Variants in MSRA observed in about 807,000 individuals in gnomAD.
MSRA encodes mitochondrial peptide methionine sulfoxide reductase.
In MSRA, 54 loss-of-function variants were observed where a neutral mutation model predicts 31.3. That is an observed-to-expected ratio of 1.73 (90% CI 1.39 to 2.17). The LOEUF is 2.17. Ranked by LOEUF, MSRA falls within the 30% of genes most tolerant of loss-of-function variation. MSRA has a pLI of 0.00. For synonymous variants in MSRA, 169 were observed against 116.5 expected, an observed-to-expected ratio of 1.45 and a Z score of -2.90; for missense variants, 507 against 300.9, an observed-to-expected ratio of 1.69 and a Z score of -5.07.
rs1806521115 is a variant in MSRA at position 10,388,330 on chromosome 8, C to A, written c.544-39818C>A. On this transcript the variant is annotated intron_variant, in intron 5 of 5. Coordinates refer to ENST00000317173, the MANE Select transcript of MSRA (RefSeq NM_012331.5). ...ATAAGGGTCTTGTGATTTAAGGTCA[C>A]CCCCGTCTTCCTGGTACAGAGAGGG... 2.0e-5 allele frequency among the ~76,000 whole-genome samples: 3 copies of A among 152,250 alleles called. No homozygotes were observed. The South Asian group carries it at 6.2e-4, about 32-fold the overall frequency.
At chr8:10,302,894 C>A (rs138532504) in intron 4 of MSRA, among the ~76,000 whole-genome samples, 1 of 152,108 alleles carries the variant, frequency 6.6e-6, no homozygotes, top group African/African-American at 2.4e-5. Context: ...AGAAGGTTCA[C>A]GTGTCACCCT....
At chr8:10,108,831 C>T (rs775006626) in intron 1 of MSRA, among the ~76,000 whole-genome samples, 3 of 151,828 alleles carry the variant, frequency 2.0e-5, no homozygotes, top group Non-Finnish European at 4.4e-5. Context: ...TTCTCTGTCT[C>T]TCCACTCCTT....
intron 5 of MSRA, 133 bp from the exon 6 acceptor site, chr8:10,428,015 C>T (rs528938942): frequency 5.4e-5 from 48 of 882,878 alleles, no homozygotes; most frequent in Non-Finnish European, 6.7e-5. Context: ...GCGGAGAGCC[C>T]GGCCTAAAGG....
chr8:10,103,568 A>G (rs1036483051), intron 1 of MSRA, among the ~76,000 whole-genome samples: 5 of 152,220 alleles, frequency 3.3e-5, no homozygotes, highest in South Asian at 2.1e-4. Context: ...CCTGAAAGCA[A>G]TTTAGCTGAT....
rs765708170 is a variant in MSRA, at chr8:10,274,983, G to T, written c.332-26551G>T. On this transcript the variant is annotated intron_variant, in intron 3 of 5. Coordinates refer to ENST00000317173, the MANE Select transcript of MSRA (RefSeq NM_012331.5). ...AATTAAACTAATATTATTTGGAACA[G>T]TGTTTATTGGTTGGCTTCCAAGGAC... 2.6e-5 allele frequency among the ~76,000 whole-genome samples: 4 copies of T among 152,314 alleles called. No individual in the cohort carries two copies. The East Asian group carries it at 7.7e-4, about 29-fold the overall frequency.
At chr8:10,160,216 G>C (rs543557555) in intron 1 of MSRA, among the ~76,000 whole-genome samples, 1 of 152,032 alleles carries the variant, frequency 6.6e-6, no homozygotes, top group Non-Finnish European at 1.5e-5. Context: ...AGATAGGATG[G>C]GGCCAGGCAC....
chr8:10,082,730 G>C (rs748672205), intron 1 of MSRA, among the ~76,000 whole-genome samples: 1 of 152,154 alleles, frequency 6.6e-6, no homozygotes, highest in African/African-American at 2.4e-5. Context: ...CTCCATTCCG[G>C]TGTGCTGTGA....
intron 5 of MSRA, among the ~76,000 whole-genome samples, chr8:10,373,646 G>A (rs1805599646): frequency 6.6e-6 from 1 of 152,382 alleles, no homozygotes; most frequent in South Asian, 2.1e-4. Flanking sequence ...TTGCATGGGG[G>A]CCAGAGGCAG....
chr8:10,128,135 T>C (rs547863607), intron 1 of MSRA, among the ~76,000 whole-genome samples: 2 of 152,208 alleles, frequency 1.3e-5, no homozygotes, highest in East Asian at 3.9e-4. Context: ...CCCAGCACTT[T>C]GGGAGGCCGA....
At chr8:10,424,204 G>A (rs184837583) in intron 5 of MSRA, among the ~76,000 whole-genome samples, 10 of 152,338 alleles carry the variant, frequency 6.6e-5, no homozygotes, top group Non-Finnish European at 7.3e-5. Context: ...CTTGGAGATC[G>A]TGTGCAAGGG....
chr8:10,073,520 T>C (rs779632909), intron 1 of MSRA, among the ~76,000 whole-genome samples: 4 of 151,818 alleles, frequency 2.6e-5, no homozygotes, highest in Admixed American at 2.6e-4. Context: ...AATCTTACTA[T>C]AGTTTCACCA....
intron 1 of MSRA, among the ~76,000 whole-genome samples, chr8:10,121,237 G>T (rs367546879): frequency 2.0e-5 from 3 of 152,092 alleles, no homozygotes; most frequent in Non-Finnish European, 4.4e-5. Context: ...AAATGATGGG[G>T]GTGGGAGCCT....
intron 1 of MSRA, among the ~76,000 whole-genome samples, chr8:10,078,436 G>C (rs374143331): frequency 5.3e-5 from 8 of 152,326 alleles, no homozygotes; most frequent in African/African-American, 1.9e-4. Context: ...GCGCAGCCCC[G>C]TTCACATGGT....
At chr8:10,273,921 C>T (rs1341647683) in intron 3 of MSRA, among the ~76,000 whole-genome samples, 1 of 152,090 alleles carries the variant, frequency 6.6e-6, no homozygotes, top group Admixed American at 6.5e-5. Flanking sequence ...CCTAAGAGGT[C>T]TACCTGAGCC....
intron 5 of MSRA, among the ~76,000 whole-genome samples, chr8:10,416,903 C>CT (rs1422561160): frequency 6.6e-6 from 1 of 152,238 alleles, no homozygotes; most frequent in Non-Finnish European, 1.5e-5. Flanking sequence ...GCTTGTAGCT[C>CT]TGTCGTTCTG....
At chr8:10,088,816 A>C (rs777630206) in intron 1 of MSRA, among the ~76,000 whole-genome samples, 2 of 152,224 alleles carry the variant, frequency 1.3e-5, no homozygotes, top group African/African-American at 2.4e-5. Context: ...AAGAAAGAAG[A>C]TCTTGCCATT....
At chr8:10,303,845 A>C (rs542503456) in intron 4 of MSRA, among the ~76,000 whole-genome samples, 2 of 152,346 alleles carry the variant, frequency 1.3e-5, no homozygotes, top group Admixed American at 6.5e-5. Flanking sequence ...TGTAACAGTA[A>C]CAAAAATCCT....
intron 5 of MSRA, among the ~76,000 whole-genome samples, chr8:10,420,172 C>G (rs972621833): frequency 1.3e-5 from 2 of 152,092 alleles, no homozygotes; most frequent in Admixed American, 6.5e-5. Context: ...GTGAAATATG[C>G]CAGTCACAAA....
intron 1 of MSRA, among the ~76,000 whole-genome samples, chr8:10,123,716 G>A (rs960166265): frequency 3.7e-4 from 57 of 152,156 alleles, no homozygotes; most frequent in African/African-American, 1.3e-3. Context: ...TCTGCATGTG[G>A]TTAGCCAGTT....
Sources: allele counts gnomAD v4.1 joint callset (sites outside exome capture counted in the v4.1 genomes callset), GRCh38; gene constraint gnomAD v4.1.1; transcripts MANE v1.5; gene names NCBI Gene and HGNC (gene_info 2026-07-23, HGNC 2026-07-21).